The following FMO1 variants were observed in gnomAD, a reference collection of about 807,000 sequenced individuals.
FMO1 encodes flavin-containing monooxygenase 1.
A neutral mutation model predicts 45.4 loss-of-function variants in FMO1; 36 were observed. The ratio of observed to expected loss-of-function variants is 0.79; its 90% CI spans 0.61 to 1.05. FMO1 has a LOEUF of 1.05. Among genes scored for constraint, FMO1 ranks in the 50% least tolerant of loss-of-function variants. FMO1 has a pLI of 0.00. For missense variants in FMO1, 615 were observed against 640.3 expected, an observed-to-expected ratio of 0.96 and a Z score of 0.43; for synonymous variants, 228 against 227.2, an observed-to-expected ratio of 1.00 and a Z score of -0.03.
Position 171,248,558 on chromosome 1 carries a change from G to C in FMO1, c.-72G>C, listed in dbSNP as rs1441575702. On this transcript the variant is annotated 5_prime_UTR_variant, in exon 1 of 9. Transcript: ENST00000617670. Reference sequence around the variant, plus strand: ...GCACTGGCTCATACTGATTCATTTTGATCTCTGCTAATACCAGAGTCCTGC... The same window carrying C: ...GCACTGGCTCATACTGATTCATTTTCATCTCTGCTAATACCAGAGTCCTGC... 1 of 152,146 alleles carries C rather than the reference G, an allele frequency of 6.6e-6. No homozygotes were observed. The highest frequency in any genetic ancestry group is 1.5e-5 in the Non-Finnish European group (1 of 68,034). The allele number at this position is 152,146 out of a possible 1,614,324, so 9.4% of individuals were successfully genotyped here. A position where few individuals can be genotyped will look rare whatever the true frequency, so the allele number is the denominator to read the frequency against.
chr1:171,264,316 G>T (rs1660509254), intron 2 of FMO1, among the ~76,000 whole-genome samples: 1 of 147,964 alleles, frequency 6.8e-6, no homozygotes, highest in African/African-American at 2.5e-5. Context: ...TTTTTAATTT[G>T]TGTGTGTGTA....
At position 171,248,635 on chromosome 1, in the gene FMO1, G is replaced by C. The variant is rs1411736387; in HGVS notation, c.-7+12G>C. ...TACAAGTACGTAAAGTAAGTAACCA[G>C]ATATAATCTCTGATTTCTTTGGATG... On this transcript the variant is annotated intron_variant, in intron 1 of 8. Transcript: ENST00000617670. The C allele has an allele frequency of 6.6e-6, 1 of 152,104 alleles. No homozygotes were observed. Among genetic ancestry groups the C allele is most frequent in the Non-Finnish European group, 1.5e-5 (1 of 68,030 alleles). The allele number at this position is 152,104 out of a possible 1,614,324, so 9.4% of individuals were successfully genotyped here.
At chr1:171,264,627 C>T (rs1216125493) in intron 2 of FMO1, among the ~76,000 whole-genome samples, 1 of 151,976 alleles carries the variant, frequency 6.6e-6, no homozygotes, top group Admixed American at 6.6e-5. Flanking sequence ...CAGTGGCTCA[C>T]GCCTGTAATC....
chr1:171,278,283 G>A (rs761891392), intron 4 of FMO1, among the ~76,000 whole-genome samples: 10 of 152,132 alleles, frequency 6.6e-5, no homozygotes, highest in Non-Finnish European at 1.0e-4. Context: ...CACAGTACCA[G>A]GCACAAAGCA....
intron 1 of FMO1, among the ~76,000 whole-genome samples, chr1:171,253,175 T>A (rs1023035614): frequency 3.3e-5 from 5 of 152,146 alleles, no homozygotes; most frequent in African/African-American, 1.2e-4. Context: ...TTCCCTCTCT[T>A]TCTTCTATCA....
At chr1:171,265,494 G>C (rs1194080801) in intron 2 of FMO1, among the ~76,000 whole-genome samples, 1 of 150,936 alleles carries the variant, frequency 6.6e-6, no homozygotes. Flanking sequence ...AATTTATAGA[G>C]TCAGAAATTA....
rs1415870247 is a variant in FMO1, at chr1:171,254,237, C to A, written c.-6-3845C>A. Among the ~76,000 whole-genome samples the A allele has an allele frequency of 3.3e-5, 5 of 152,148 alleles. No homozygotes were observed. In the South Asian group the frequency reaches 8.3e-4, roughly 25 times the overall value. On this transcript the variant is annotated intron_variant, in intron 1 of 8. Transcript: ENST00000617670. ...CCAAGTAGCTGGGATTACAGGTGCA[C>A]ACCACCATGCCCAGCTAACTTTTTT...
chr1:171,278,785 A>T lies in FMO1; in HGVS notation c.541A>T (p.Ile181Leu), dbSNP rs752154064. The change falls in exon 5 of 9, where the codon ATA becomes TTA. Residue 181 changes from isoleucine to leucine, a missense_variant. Ile to Leu is a conservative substitution (Grantham distance 5). Coordinates refer to ENST00000617670, the MANE Select transcript of FMO1 (RefSeq NM_001282693.2). ...FHSRQYKHPD[I>L]FKDKRVLVIG... ...TAGCCGGCAATATAAGCATCCAGAT[A>T]TATTTAAGGACAAGAGAGTCCTTGT... is the stretch of plus-strand genomic sequence containing the variant. 1 of 1,612,604 alleles carries T rather than the reference A, an allele frequency of 6.2e-7. No homozygotes were observed. The highest frequency in any genetic ancestry group is 1.1e-5 in the South Asian group (1 of 90,974).
Position 171,280,798 on chromosome 1 carries a change from A to G in FMO1, c.640A>G (p.Thr214Ala), listed in dbSNP as rs1661316011. Residue 214 changes from threonine (T) to alanine (A), a missense_variant, in exon 6 of 9, where the codon ACC (threonine) becomes GCC (alanine). Coordinates refer to ENST00000617670, the MANE Select transcript of FMO1 (RefSeq NM_001282693.2). ...TGATTGCTTCCAGGTGTTCCTCAGC[A>G]CCACCGGAGGGGGATGGGTGATCAG... ...SHLAEKVFLS[T>A]TGGGWVISRI... The G allele has an allele frequency of 6.2e-7, 1 of 1,612,576 alleles. No individual in the cohort carries two copies. Among genetic ancestry groups the G allele is most frequent in the Non-Finnish European group, 8.5e-7 (1 of 1,179,670 alleles).
chr1:171,279,342 C>T (rs185531052), intron 5 of FMO1, among the ~76,000 whole-genome samples: 4 of 152,098 alleles, frequency 2.6e-5, no homozygotes, highest in East Asian at 1.9e-4. Context: ...ATTCTGTGGC[C>T]GGCACTGCAC....
intron 3 of FMO1, among the ~76,000 whole-genome samples, chr1:171,272,014 GC>G (rs1660891601): frequency 1.3e-5 from 2 of 152,376 alleles, no homozygotes; most frequent in African/African-American, 4.8e-5. Flanking sequence ...GTTCACCACA[GC>G]CCTTCCCATC....
At chr1:171,253,553 G>A (rs1660000022) in intron 1 of FMO1, among the ~76,000 whole-genome samples, 1 of 151,966 alleles carries the variant, frequency 6.6e-6, no homozygotes, top group African/African-American at 2.4e-5. Context: ...CCTGAGGTCG[G>A]GAGTTCGAGA....
intron 5 of FMO1, among the ~76,000 whole-genome samples, chr1:171,279,282 C>T (rs1472928918): frequency 2.0e-5 from 3 of 152,056 alleles, no homozygotes; most frequent in Non-Finnish European, 4.4e-5. Flanking sequence ...GAGGATATTG[C>T]ATTGTCCTCC....
At chr1:171,283,375 C>G (rs925228971) in intron 8 of FMO1, among the ~76,000 whole-genome samples, 159 bp downstream of exon 8, 1 of 136,764 alleles carries the variant, frequency 7.3e-6, no homozygotes, top group Non-Finnish European at 1.6e-5. Flanking sequence ...CTGAGACTTA[C>G]AAGAAAAATA....
intron 6 of FMO1, 104 bp from the exon 7 acceptor site, chr1:171,281,874 C>T: frequency 3.1e-6 from 2 of 643,852 alleles, no homozygotes; most frequent in Non-Finnish European, 5.3e-6. Context: ...AATTCTTGTC[C>T]AACCAAGGAG....
chr1:171,266,418 A>G (rs1219771832), intron 2 of FMO1, among the ~76,000 whole-genome samples: 2 of 152,382 alleles, frequency 1.3e-5, no homozygotes, highest in East Asian at 3.9e-4. Context: ...AGCTGAATAA[A>G]ATATCAAGAT....
At chr1:171,282,413 C>A in intron 7 of FMO1, 80 bp downstream of exon 7, 1 of 851,096 alleles carries the variant, frequency 1.2e-6, no homozygotes, top group South Asian at 1.8e-5. Flanking sequence ...GACTATTATT[C>A]CTCCTGCTTC....
At chr1:171,277,195 C>G (rs953840890) in intron 4 of FMO1, among the ~76,000 whole-genome samples, 31 of 152,144 alleles carry the variant, frequency 2.0e-4, no homozygotes, top group Non-Finnish European at 4.4e-5. Flanking sequence ...TTACAGCAGA[C>G]TTGCTTAGAT....
At chr1:171,257,930 C>T (rs955863794) in intron 1 of FMO1, 152 bp from the exon 2 acceptor site, 30 of 797,578 alleles carry the variant, frequency 3.8e-5, no homozygotes, top group Non-Finnish European at 5.2e-5. Context: ...TGAACATTTT[C>T]CTTCTCACAT....
Sources: gnomAD v4.1 joint callset for allele counts (sites outside exome capture counted in the v4.1 genomes callset) on GRCh38, gnomAD v4.1.1 for gene constraint, MANE v1.5 for transcripts, NCBI Gene and HGNC (gene_info 2026-07-23, HGNC 2026-07-21) for gene names.